ESRRB: variants seen among roughly 807,000 people sequenced by gnomAD.
ESRRB encodes steroid hormone receptor ERR2.
A neutral mutation model predicts 46.0 loss-of-function variants in ESRRB; 16 were observed. The ratio of observed to expected loss-of-function variants is 0.35; its 90% CI spans 0.24 to 0.53. ESRRB has a LOEUF of 0.53. Ranked by LOEUF, ESRRB falls within the 20% of genes least tolerant of loss-of-function variation. The probability of loss-of-function intolerance (pLI) is 0.93; values close to 1 mark genes in which losing one functional copy is unlikely to be tolerated. For synonymous variants in ESRRB, 246 were observed against 259.6 expected (o/e 0.95, Z 0.50); for missense variants, 488 against 607.4 (o/e 0.80, Z 2.07).
intron 1 of ESRRB, among the ~76,000 whole-genome samples, chr14:76,428,401 G>A (rs1172732905): frequency 6.6e-6 from 1 of 152,114 alleles, no homozygotes; most frequent in East Asian, 1.9e-4. Flanking sequence ...AACTCCAATA[G>A]CTACTGAAAA....
chr14:76,326,434 T>G (rs1415711084), intron 1 of ESRRB, among the ~76,000 whole-genome samples: 1 of 152,194 alleles, frequency 6.6e-6, no homozygotes, highest in African/African-American at 2.4e-5. Flanking sequence ...TTAATCTGCC[T>G]CTTTGCACTT....
intron 1 of ESRRB, among the ~76,000 whole-genome samples, chr14:76,420,138 G>T (rs773504213): frequency 3.3e-5 from 5 of 152,146 alleles, no homozygotes; most frequent in Non-Finnish European, 7.3e-5. Flanking sequence ...TGTGAAACCA[G>T]CATGAGCAAA....
At chr14:76,491,892 G>C (rs1047622125) in intron 6 of ESRRB, among the ~76,000 whole-genome samples, 176 bp downstream of exon 6, 1 of 152,262 alleles carries the variant, frequency 6.6e-6, no homozygotes, top group African/African-American at 2.4e-5. Context: ...TAAAAAGCTG[G>C]TGATGAAGGC....
At chr14:76,446,093 G>C (rs1158483225) in intron 2 of ESRRB, among the ~76,000 whole-genome samples, 1 of 152,152 alleles carries the variant, frequency 6.6e-6, no homozygotes, top group Non-Finnish European at 1.5e-5. Flanking sequence ...AGCCACCCTT[G>C]GTTGTATAAA....
At chr14:76,483,005 G>A (rs144863372) in intron 5 of ESRRB, among the ~76,000 whole-genome samples, 112 of 152,250 alleles carry the variant, frequency 7.4e-4, no homozygotes, top group African/African-American at 2.3e-3. Flanking sequence ...CATTCGAGGC[G>A]GGGCCATGTT....
intron 1 of ESRRB, among the ~76,000 whole-genome samples, chr14:76,358,204 C>G (rs1409155440): frequency 6.7e-6 from 1 of 149,746 alleles, no homozygotes; most frequent in Non-Finnish European, 1.5e-5. Flanking sequence ...CCCAGCTACT[C>G]GGGAGGCTGA....
At position 76,380,901 on chromosome 14, in the gene ESRRB, C is replaced by T. The variant is rs187516288; in HGVS notation, c.50+4450C>T. On this transcript the variant is annotated intron_variant, in intron 1 of 6. Coordinates refer to ENST00000644823, the MANE Select transcript of ESRRB (RefSeq NM_001379180.1). Reference sequence around the variant, plus strand: ...GGGCTGGAACTAGCCAAATCTGGCCCGGAATCTTCCTGAACATCCTGCCTG... The same window carrying T: ...GGGCTGGAACTAGCCAAATCTGGCCTGGAATCTTCCTGAACATCCTGCCTG... Among the ~76,000 whole-genome samples, 436 of 152,330 alleles carry T rather than the reference C, an allele frequency of 2.9e-3. 2 individuals carry two copies. Among genetic ancestry groups the T allele is most frequent in the Admixed American group, 6.3e-3 (97 of 15,308 alleles).
intron 3 of ESRRB, among the ~76,000 whole-genome samples, chr14:76,469,550 TA>T (rs1198153743): frequency 1.3e-5 from 2 of 152,332 alleles, no homozygotes; most frequent in East Asian, 3.9e-4. Flanking sequence ...TAAAAAATGT[TA>T]AAAAAATTTT....
Position 76,445,347 on chromosome 14 carries a change from T to A in ESRRB, c.460+5597T>A, listed in dbSNP as rs1174713858. On this transcript the variant is annotated intron_variant, in intron 2 of 6. Transcript: ENST00000644823. ...TTAGCTGGGTGTGGTGGCGCATGCC[T>A]GTAATCCCAGCTACTCGAGAGGCTG... 5.3e-4 allele frequency among the ~76,000 whole-genome samples: 80 copies of A among 150,956 alleles called. No homozygotes were observed. In the Admixed American group the frequency reaches 5.3e-3, roughly 10 times the overall value.
At chr14:76,449,119 C>T (rs891976833) in intron 2 of ESRRB, among the ~76,000 whole-genome samples, 1 of 152,098 alleles carries the variant, frequency 6.6e-6, no homozygotes, top group African/African-American at 2.4e-5. Context: ...AGTATACGTC[C>T]TACACCATAA....
intron 5 of ESRRB, among the ~76,000 whole-genome samples, chr14:76,485,710 G>A (rs1343186132): frequency 6.6e-6 from 1 of 151,830 alleles, no homozygotes; most frequent in Admixed American, 6.6e-5. Flanking sequence ...GATAAAAGCT[G>A]GGGCCCACCC....
intron 1 of ESRRB, among the ~76,000 whole-genome samples, chr14:76,353,569 A>G (rs543413576): frequency 6.6e-6 from 1 of 152,226 alleles, no homozygotes; most frequent in Admixed American, 6.5e-5. Flanking sequence ...CATATAACTC[A>G]TTTTATCTGG....
chr14:76,314,642 G>T (rs572002789), intron 1 of ESRRB, among the ~76,000 whole-genome samples: 4 of 152,182 alleles, frequency 2.6e-5, no homozygotes, highest in South Asian at 2.1e-4. Flanking sequence ...CTTTCTTCAC[G>T]TGAGGCCCTC....
In ESRRB at chr14:76,500,957, G is replaced by T. The variant is rs953494053; in HGVS notation, c.*2499G>T. 5.1e-6 allele frequency: 3 copies of T among 588,282 alleles called. No homozygotes were observed. In the African/African-American group the frequency reaches 5.6e-5, roughly 11 times the overall value. 36.4% of individuals were successfully genotyped at this position (588,282 alleles called of 1,614,324 possible). A position where few individuals can be genotyped will look rare whatever the true frequency, so the allele number is the denominator to read the frequency against. ...TGGGAAAGTTCCTGGTACTGAAGGG[G>T]TCCATTGGACACTCAGAAAAGAAGT... On this transcript the variant is annotated 3_prime_UTR_variant, in exon 7 of 7. Coordinates refer to ENST00000644823, the MANE Select transcript of ESRRB (RefSeq NM_001379180.1).
chr14:76,447,243 C>CT (rs1262554655), intron 2 of ESRRB, among the ~76,000 whole-genome samples: 2 of 133,374 alleles, frequency 1.5e-5, no homozygotes, highest in Non-Finnish European at 3.3e-5. Flanking sequence ...TTTCTAAAGT[C>CT]TCCTTCCTTC....
intron 2 of ESRRB, among the ~76,000 whole-genome samples, chr14:76,445,486 G>A (rs139539682): frequency 0.17 from 17,636 of 101,988 alleles, 1,322 homozygotes; most frequent in Middle Eastern, 0.21. Context: ...AAAAAAAAAA[G>A]AAAGAAAGAA....
intron 2 of ESRRB, among the ~76,000 whole-genome samples, chr14:76,459,161 G>T (rs1270438129): frequency 6.6e-6 from 1 of 152,158 alleles, no homozygotes; most frequent in Non-Finnish European, 1.5e-5. Flanking sequence ...TCTTACAGAT[G>T]AGAAAAATCT....
intron 3 of ESRRB, among the ~76,000 whole-genome samples, chr14:76,480,431 C>A (rs945536093): frequency 3.9e-5 from 6 of 152,128 alleles, no homozygotes; most frequent in Admixed American, 1.3e-4. Context: ...GGGCAATGTG[C>A]ACTTAAAGGA....
At chr14:76,364,156 G>A (rs1015830683) in intron 1 of ESRRB, among the ~76,000 whole-genome samples, 10 of 152,300 alleles carry the variant, frequency 6.6e-5, no homozygotes, top group South Asian at 4.1e-4. Flanking sequence ...AGAAGGGGCC[G>A]AAAGTGAAAA....
Sources: gnomAD v4.1 joint callset for allele counts (sites outside exome capture counted in the v4.1 genomes callset) on GRCh38, gnomAD v4.1.1 for gene constraint, MANE v1.5 for transcripts, NCBI Gene and HGNC (gene_info 2026-07-23, HGNC 2026-07-21) for gene names.